Variants in CSMD1 observed in about 807,000 individuals in gnomAD.
CSMD1 encodes CUB and sushi domain-containing protein 1.
CSMD1 carries 213 observed loss-of-function variants against 417.5 expected under a neutral mutation model. That is an observed-to-expected ratio of 0.51 (90% CI 0.46 to 0.57). CSMD1 has a LOEUF of 0.57. Among genes scored for constraint, CSMD1 ranks in the 20% least tolerant of loss-of-function variants. The pLI, the probability that CSMD1 is intolerant of heterozygous loss-of-function variation, is 0.00. For synonymous variants in CSMD1, 2,862 were observed against 1,736.8 expected (o/e 1.65, Z -16.11); for missense variants, 6,923 against 4,529.7 (o/e 1.53, Z -15.17).
At chr8:4,891,706 C>A (rs1184314374) in intron 1 of CSMD1, among the ~76,000 whole-genome samples, 1 of 152,034 alleles carries the variant, frequency 6.6e-6, no homozygotes, top group Non-Finnish European at 1.5e-5. Context: ...CATACAAAAC[C>A]ACTTTAAAGA....
At chr8:4,817,326 G>A (rs921748457) in intron 1 of CSMD1, among the ~76,000 whole-genome samples, 2 of 152,104 alleles carry the variant, frequency 1.3e-5, no homozygotes, top group Admixed American at 6.6e-5. Context: ...TTTTCTTCAA[G>A]CTCACATTTT....
chr8:3,956,681 C>T (rs533721829), intron 5 of CSMD1, among the ~76,000 whole-genome samples: 2 of 152,160 alleles, frequency 1.3e-5, no homozygotes, highest in African/African-American at 2.4e-5. Context: ...AGTTACTACC[C>T]GATGTGGCAG....
chr8:4,694,396 G>A (rs1408032550), intron 1 of CSMD1, among the ~76,000 whole-genome samples: 1 of 151,968 alleles, frequency 6.6e-6, no homozygotes, highest in African/African-American at 2.4e-5. Flanking sequence ...CTGTCGCCCA[G>A]GCTAGAGTGC....
intron 7 of CSMD1, among the ~76,000 whole-genome samples, chr8:3,687,815 A>T (rs748022355): frequency 1.2e-4 from 19 of 152,162 alleles, no homozygotes; most frequent in Non-Finnish European, 2.6e-4. Flanking sequence ...GTCTCTCTCG[A>T]GAAAGGTAGC....
In CSMD1 at chr8:3,211,956, G is replaced by C. The variant is rs564359973; in HGVS notation, c.4867+2541C>G. Among the ~76,000 whole-genome samples, 22 of 152,290 alleles carry C rather than the reference G, an allele frequency of 1.4e-4. 1 individual carries two copies. Among genetic ancestry groups the C allele is most frequent in the African/African-American group, 5.3e-4 (22 of 41,568 alleles). On this transcript the variant is annotated intron_variant, in intron 30 of 69. Transcript: ENST00000635120. Reference sequence around the variant, plus strand: ...TGTGGCCCACCCTGGGCCAGGACAGGGAAGGGTGGGTGCTGGGCAGAGACT... The same window carrying C: ...TGTGGCCCACCCTGGGCCAGGACAGCGAAGGGTGGGTGCTGGGCAGAGACT...
At chr8:4,466,410 A>G (rs1479172146) in intron 2 of CSMD1, among the ~76,000 whole-genome samples, 1 of 152,186 alleles carries the variant, frequency 6.6e-6, no homozygotes, top group Non-Finnish European at 1.5e-5. Context: ...AAGCCAAAAA[A>G]AACACTCACT....
At chr8:4,953,738 G>A (rs910458860) in intron 1 of CSMD1, among the ~76,000 whole-genome samples, 1 of 152,068 alleles carries the variant, frequency 6.6e-6, no homozygotes, top group Admixed American at 6.5e-5. Flanking sequence ...GATTTGGATG[G>A]AGATCAATAC....
chr8:4,157,707 G>T (rs1714777), intron 3 of CSMD1, among the ~76,000 whole-genome samples: 24,164 of 152,248 alleles, frequency 0.16, 2,456 homozygotes, highest in East Asian at 0.3. Flanking sequence ...GGGTGGGTCT[G>T]CACAGTTGTC....
intron 3 of CSMD1, among the ~76,000 whole-genome samples, chr8:4,321,511 G>A (rs1472840341): frequency 2.0e-5 from 3 of 152,086 alleles, no homozygotes; most frequent in African/African-American, 7.2e-5. Flanking sequence ...ACAGCAGAGG[G>A]ATGTGTTAAG....
In CSMD1 at chr8:3,529,169, G is replaced by A. The variant is rs184013809; in HGVS notation, c.1345-35443C>T. Among the ~76,000 whole-genome samples the A allele has an allele frequency of 1.8e-3, 279 of 152,248 alleles. 1 individual carries two copies. Among genetic ancestry groups the A allele is most frequent in the African/African-American group, 6.6e-3 (273 of 41,552 alleles). On this transcript the variant is annotated intron_variant, in intron 10 of 69. Transcript: ENST00000635120. The stretch of plus-strand genomic sequence containing the variant: ...TAGTAAAGACAATACATACGCTACT[G>A]ATTTAGGTCCTACTGTTTGAATCAG...
intron 1 of CSMD1, among the ~76,000 whole-genome samples, chr8:4,805,751 A>G (rs1375756191): frequency 2.0e-5 from 3 of 152,212 alleles, no homozygotes; most frequent in African/African-American, 7.2e-5. Flanking sequence ...AGACCCTGTC[A>G]TATTCCATTA....
chr8:4,921,010 A>AG lies in CSMD1; in HGVS notation c.85+73321dup, dbSNP rs1806452796. On this transcript the variant is annotated intron_variant, in intron 1 of 69. Coordinates refer to ENST00000635120, the MANE Select transcript of CSMD1 (RefSeq NM_033225.6). ...AGAAAGAAAGAAAAGAAAGAAAGAA[A>AG]GAAAAGAAAGAAAGGAAGAAAGAAA... Among the ~76,000 whole-genome samples the AG allele has an allele frequency of 1.4e-4, 2 of 14,518 alleles. 1 individual carries two copies. The highest frequency in any genetic ancestry group is 3.4e-4 in the Non-Finnish European group (2 of 5,890). The allele number at this position is 14,518 out of a possible 152,430, so 9.5% of individuals were successfully genotyped here.
intron 5 of CSMD1, among the ~76,000 whole-genome samples, chr8:3,951,535 G>C (rs1009047634): frequency 3.3e-5 from 5 of 152,030 alleles, no homozygotes; most frequent in Non-Finnish European, 7.4e-5. Flanking sequence ...ATGTAAATAT[G>C]ATGATCTATC....
chr8:3,407,041 G>C (rs558529827), intron 14 of CSMD1, among the ~76,000 whole-genome samples: 2 of 152,206 alleles, frequency 1.3e-5, no homozygotes, highest in Non-Finnish European at 2.9e-5. Flanking sequence ...AAGGAAGAAA[G>C]GAAGAATGGC....
intron 30 of CSMD1, among the ~76,000 whole-genome samples, chr8:3,209,551 C>T (rs747626459): frequency 2.8e-4 from 42 of 152,014 alleles, no homozygotes; most frequent in Non-Finnish European, 1.3e-4. Flanking sequence ...GATCTCCTGA[C>T]CTTGTGATCC....
At chr8:4,391,646 A>C (rs1803856913) in intron 3 of CSMD1, among the ~76,000 whole-genome samples, 2 of 152,010 alleles carry the variant, frequency 1.3e-5, no homozygotes, top group Non-Finnish European at 2.9e-5. Context: ...TGCTGGGTTG[A>C]CTGGTGAGAA....
At chr8:3,690,936 G>T (rs565748488) in intron 7 of CSMD1, among the ~76,000 whole-genome samples, 1 of 152,114 alleles carries the variant, frequency 6.6e-6, no homozygotes, top group South Asian at 2.1e-4. Flanking sequence ...ATAAATTAAA[G>T]TAAAAGTCGG....
intron 26 of CSMD1, among the ~76,000 whole-genome samples, chr8:3,243,710 CAAT>C (rs899011925): frequency 1.3e-5 from 2 of 151,132 alleles, no homozygotes; most frequent in South Asian, 2.1e-4. Flanking sequence ...ACAGGCCTGA[CAAT>C]AAATATAATT....
chr8:2,974,583 G>A lies in CSMD1; in HGVS notation c.8608C>T (p.Leu2870Phe), dbSNP rs368813221. Reference sequence around the variant, plus strand: ...CCATAGGTAAACAGCTCTCCAGTGAGGACGGCGTTGGCAGGGACCCCTGGG... The same window carrying A: ...CCATAGGTAAACAGCTCTCCAGTGAAGACGGCGTTGGCAGGGACCCCTGGG... ...GHPGVPANAVLTGELFTYGAV... is the reference protein window; with the variant it reads ...GHPGVPANAVFTGELFTYGAV... Residue 2870 changes from leucine to phenylalanine, a missense_variant, in exon 56 of 70, where the codon CTC (leucine) becomes TTC (phenylalanine). By Grantham distance (22) the Leu-to-Phe change is conservative. Coordinates refer to ENST00000635120, the MANE Select transcript of CSMD1 (RefSeq NM_033225.6). 20 of 1,611,704 alleles carry A rather than the reference G, an allele frequency of 1.2e-5. No individual in the cohort carries two copies. In the African/African-American group the frequency reaches 2.4e-4, roughly 19 times the overall value.
Sources: allele counts gnomAD v4.1 joint callset (sites outside exome capture counted in the v4.1 genomes callset), GRCh38; gene constraint gnomAD v4.1.1; transcripts MANE v1.5; gene names NCBI Gene and HGNC (gene_info 2026-07-23, HGNC 2026-07-21).